Variants in DOCK7 observed in about 807,000 individuals in gnomAD.
DOCK7 encodes the protein dedicator of cytokinesis protein 7.
DOCK7 carries 138 observed loss-of-function variants against 271.0 expected under a neutral mutation model. The ratio of observed to expected loss-of-function variants is 0.51; its 90% CI spans 0.44 to 0.59. DOCK7 has a LOEUF of 0.59. Among genes scored for constraint, DOCK7 ranks in the 20% least tolerant of loss-of-function variants. DOCK7 has a pLI of 0.00. For synonymous variants in DOCK7, 823 were observed against 876.1 expected (o/e 0.94, Z 1.07); for missense variants, 2,066 against 2,592.4 (o/e 0.80, Z 4.41).
rs759732262 is a variant in DOCK7 at position 62,578,989 on chromosome 1, AT to A, written c.1872-24del. On this transcript the variant is annotated intron_variant, in intron 16 of 49. Transcript: ENST00000635253. ...GACCTTCATACAAAAAAAAAAAAAA[AT>A]CAACAGTCAGTAATTTGTCCAAAAT... The A allele has an allele frequency of 2.2e-5, 33 of 1,474,068 alleles. No homozygotes were observed. The African/African-American group carries it at 3.0e-4, about 14-fold the overall frequency. 91.3% of individuals were successfully genotyped at this position (1,474,068 alleles called of 1,614,324 possible). A position where few individuals can be genotyped will look rare whatever the true frequency, so the allele number is the denominator to read the frequency against.
intron 31 of DOCK7, among the ~76,000 whole-genome samples, chr1:62,515,064 T>G (rs1214504351): frequency 6.6e-6 from 1 of 151,922 alleles, no homozygotes; most frequent in African/African-American, 2.4e-5. Flanking sequence ...ACCAAATGCT[T>G]TATGTGTATT....
intron 48 of DOCK7, among the ~76,000 whole-genome samples, chr1:62,471,145 G>A (rs1271741474): frequency 1.3e-5 from 2 of 152,090 alleles, no homozygotes; most frequent in African/African-American, 4.8e-5. Context: ...TAAGGAGACA[G>A]TATATAATAC....
chr1:62,494,665 G>T (rs968575364), intron 39 of DOCK7, 198 bp from the exon 40 acceptor site: 1 of 308,730 alleles, frequency 3.2e-6, no homozygotes, highest in Non-Finnish European at 5.4e-6. Flanking sequence ...ATCAGTTGGT[G>T]GGGGGGGCAG....
Position 62,475,702 on chromosome 1 carries a change from C to T in DOCK7, c.5961+5G>A, listed in dbSNP as rs1377329622. On this transcript the variant is annotated splice_donor_5th_base_variant and intron_variant, in intron 46 of 49. Transcript: ENST00000635253. Reference sequence around the variant, plus strand: ...CTAATGCTGTTTGCCCATTAATGGACTTACCTCTTCTTTATGAGTGACATT... The same window carrying T: ...CTAATGCTGTTTGCCCATTAATGGATTTACCTCTTCTTTATGAGTGACATT... 2 of 1,612,804 alleles carry T rather than the reference C, an allele frequency of 1.2e-6. No homozygotes were observed. The highest frequency in any genetic ancestry group is 1.3e-5 in the African/African-American group (1 of 75,010).
At position 62,513,602 on chromosome 1, in the gene DOCK7, T is replaced by C. The variant is rs1644565871; in HGVS notation, c.4124A>G (p.Lys1375Arg). 2 of 1,611,384 alleles carry C rather than the reference T, an allele frequency of 1.2e-6. No homozygotes were observed. Among genetic ancestry groups the C allele is most frequent in the Admixed American group, 3.4e-5 (2 of 59,268 alleles). Reference protein sequence around the residue: ...LCVSCFEYKGKKVFERMNSLT... With the variant: ...LCVSCFEYKGRKVFERMNSLT... ...GCTATTCATTCGTTCAAACACTTTT[T>C]TCCCCTAAAATGTAAACATTAGAAG... is the stretch of plus-strand genomic sequence containing the variant. The change falls in exon 33 of 50, where the codon AAA (lysine) becomes AGA (arginine). Residue 1375 changes from lysine to arginine, a missense_variant. Physicochemically the swap from Lys to Arg is conservative, Grantham distance 26. Coordinates refer to ENST00000635253, the MANE Select transcript of DOCK7 (RefSeq NM_001367561.1).
chr1:62,634,730 C>G (rs1655044159), intron 9 of DOCK7, 43 bp downstream of exon 9: 2 of 1,566,780 alleles, frequency 1.3e-6, no homozygotes, highest in African/African-American at 2.7e-5. Flanking sequence ...GACAAGTATA[C>G]AGACACTACA....
chr1:62,662,270 A>G (rs1658747154), intron 2 of DOCK7, among the ~76,000 whole-genome samples: 1 of 152,166 alleles, frequency 6.6e-6, no homozygotes, highest in Non-Finnish European at 1.5e-5. Context: ...ATCAAAACTG[A>G]ATTTCCTCAT....
chr1:62,546,053 C>T (rs954381791), intron 22 of DOCK7, among the ~76,000 whole-genome samples: 2 of 152,038 alleles, frequency 1.3e-5, no homozygotes, highest in Admixed American at 1.3e-4. Context: ...CTGATGTAAA[C>T]ATATCAGGAC....
chr1:62,599,900 A>G (rs939251086), intron 14 of DOCK7, among the ~76,000 whole-genome samples: 1 of 152,012 alleles, frequency 6.6e-6, no homozygotes, highest in Non-Finnish European at 1.5e-5. Flanking sequence ...TAGTTTAAAA[A>G]TATTAATAAT....
Position 62,508,572 on chromosome 1 carries a change from T to A in DOCK7, c.4380-514A>T, listed in dbSNP as rs183115103. Reference sequence around the variant, plus strand: ...ACTCTTCAGTGAGACTAGATGGAATTACTCATTGGAAACACAACAAATTTG... The same window carrying A: ...ACTCTTCAGTGAGACTAGATGGAATAACTCATTGGAAACACAACAAATTTG... On this transcript the variant is annotated intron_variant, in intron 34 of 49. Coordinates refer to ENST00000635253, the MANE Select transcript of DOCK7 (RefSeq NM_001367561.1). Among the ~76,000 whole-genome samples, 253 of 152,312 alleles carry A rather than the reference T, an allele frequency of 1.7e-3. 1 individual carries two copies. The highest frequency in any genetic ancestry group is 3.0e-3 in the Non-Finnish European group (201 of 68,018).
intron 16 of DOCK7, among the ~76,000 whole-genome samples, 179 bp downstream of exon 16, chr1:62,583,005 A>G (rs1382637830): frequency 1.3e-5 from 2 of 152,242 alleles, no homozygotes; most frequent in African/African-American, 4.8e-5. Context: ...GTACAAAGTC[A>G]TATTTGGGAT....
At chr1:62,559,528 A>G (rs1033358214) in intron 19 of DOCK7, among the ~76,000 whole-genome samples, 3 of 151,642 alleles carry the variant, frequency 2.0e-5, no homozygotes, top group Non-Finnish European at 4.4e-5. Flanking sequence ...ACTTTTGTCC[A>G]TTATTAATTT....
chr1:62,676,481 C>A (rs561740894), intron 1 of DOCK7, among the ~76,000 whole-genome samples: 62 of 152,262 alleles, frequency 4.1e-4, no homozygotes, highest in Non-Finnish European at 7.2e-4. Flanking sequence ...TACTAAAAAT[C>A]ATTTAATTGT....
intron 1 of DOCK7, among the ~76,000 whole-genome samples, chr1:62,673,890 A>AGAGG (rs1660266719): frequency 6.9e-6 from 1 of 144,770 alleles, no homozygotes; most frequent in South Asian, 2.4e-4. Flanking sequence ...TTGTACTGGA[A>AGAGG]GAGGGAGGGA....
chr1:62,626,545 C>A (rs1242851313), intron 11 of DOCK7, among the ~76,000 whole-genome samples: 1 of 149,670 alleles, frequency 6.7e-6, no homozygotes, highest in Non-Finnish European at 1.5e-5. Context: ...GAAGAGATAT[C>A]ATTTACAGAC....
chr1:62,542,022 C>T (rs2149398365), intron 25 of DOCK7, among the ~76,000 whole-genome samples: 1 of 152,116 alleles, frequency 6.6e-6, no homozygotes, highest in South Asian at 2.1e-4. Flanking sequence ...CAGGTTTGTG[C>T]CACCAGGTTT....
chr1:62,501,642 CT>C (rs1646787705), intron 37 of DOCK7, among the ~76,000 whole-genome samples: 1 of 151,928 alleles, frequency 6.6e-6, no homozygotes, highest in South Asian at 2.1e-4. Flanking sequence ...TATTGTCCCC[CT>C]AATAAATCTT....
chr1:62,593,496 G>A (rs550533552), intron 14 of DOCK7, among the ~76,000 whole-genome samples: 2 of 152,236 alleles, frequency 1.3e-5, no homozygotes, highest in East Asian at 3.9e-4. Flanking sequence ...CTTGAACCCA[G>A]GAGGGGGAAG....
In DOCK7 at chr1:62,494,373, C is replaced by T; in HGVS notation, c.5119G>A (p.Ala1707Thr). Residue 1707 changes from alanine to threonine, a missense_variant, in exon 40 of 50, where the codon GCT becomes ACT. By Grantham distance (58) the Ala-to-Thr change is moderately conservative (BLOSUM62 0). Coordinates refer to ENST00000635253, the MANE Select transcript of DOCK7 (RefSeq NM_001367561.1). ...GCTGAGTGGACTAGACACTGTGCAG[C>T]TTCAGCATGATTGCTTCGTTCTGAG... ...KHSERSNHAE[A>T]AQCLVHSAAL... 6.2e-7 allele frequency: 1 copy of T among 1,613,664 alleles called. No homozygotes were observed. Among genetic ancestry groups the T allele is most frequent in the South Asian group, 1.1e-5 (1 of 91,004 alleles).
Sources: allele counts gnomAD v4.1 joint callset (sites outside exome capture counted in the v4.1 genomes callset), GRCh38; gene constraint gnomAD v4.1.1; transcripts MANE v1.5; gene names NCBI Gene and HGNC (gene_info 2026-07-23, HGNC 2026-07-21).